RAPGEF2: variants seen among roughly 807,000 people sequenced by gnomAD.
RAPGEF2 encodes Rap guanine nucleotide exchange factor 2.
A neutral mutation model predicts 186.7 loss-of-function variants in RAPGEF2; 54 were observed. The observed-to-expected ratio is 0.29, with a 90% CI of 0.23 to 0.36. The LOEUF is 0.36. RAPGEF2 is among the 10% of genes least tolerant of loss of function. The pLI is 1.00. For missense variants in RAPGEF2, 1,532 were observed against 2,045.0 expected (o/e 0.75, Z 4.84); for synonymous variants, 712 against 705.9 (o/e 1.01, Z -0.14).
intron 1 of RAPGEF2, among the ~76,000 whole-genome samples, chr4:159,116,290 C>T (rs1278628945): frequency 2.0e-5 from 3 of 152,150 alleles, no homozygotes; most frequent in African/African-American, 7.2e-5. Context: ...ACAGACAATT[C>T]TCAAAAGAAG....
chr4:159,337,497 T>A (rs535918332), intron 17 of RAPGEF2, among the ~76,000 whole-genome samples: 34 of 152,322 alleles, frequency 2.2e-4, no homozygotes, highest in African/African-American at 3.8e-4. Context: ...GTGCTTTTTT[T>A]AAAATCCATT....
At chr4:159,195,892 T>G (rs1358524724) in intron 3 of RAPGEF2, among the ~76,000 whole-genome samples, 4 of 147,680 alleles carry the variant, frequency 2.7e-5, no homozygotes, top group African/African-American at 7.5e-5. Flanking sequence ...TTTTTTTTTT[T>G]TTTTTTTTTT....
At chr4:159,268,676 C>T (rs1390134375) in intron 7 of RAPGEF2, among the ~76,000 whole-genome samples, 1 of 152,024 alleles carries the variant, frequency 6.6e-6, no homozygotes, top group Non-Finnish European at 1.5e-5. Flanking sequence ...CAGTGGGACT[C>T]ATCTGATTTC....
At chr4:159,277,769 G>C (rs1759111273) in intron 7 of RAPGEF2, among the ~76,000 whole-genome samples, 1 of 152,040 alleles carries the variant, frequency 6.6e-6, no homozygotes, top group African/African-American at 2.4e-5. Context: ...TTTTTTATGG[G>C]GTTGTTTGAT....
At chr4:159,321,209 T>G (rs1765193576) in intron 9 of RAPGEF2, among the ~76,000 whole-genome samples, 1 of 151,514 alleles carries the variant, frequency 6.6e-6, no homozygotes, top group Admixed American at 6.6e-5. Flanking sequence ...TGCCACTTTT[T>G]TTTTTTTTTT....
intron 8 of RAPGEF2, among the ~76,000 whole-genome samples, chr4:159,310,284 G>A (rs571484662): frequency 1.6e-4 from 25 of 152,150 alleles, no homozygotes; most frequent in African/African-American, 5.1e-4. Flanking sequence ...TATACTCCTC[G>A]TAGGATTGTA....
intron 3 of RAPGEF2, among the ~76,000 whole-genome samples, chr4:159,195,310 A>G (rs1374468663): frequency 1.3e-5 from 2 of 152,208 alleles, no homozygotes; most frequent in Non-Finnish European, 2.9e-5. Context: ...GGATAGAGAC[A>G]TTTGAATTCT....
intron 4 of RAPGEF2, among the ~76,000 whole-genome samples, chr4:159,213,759 C>T (rs1223868466): frequency 1.3e-4 from 20 of 151,902 alleles, no homozygotes; most frequent in Non-Finnish European, 2.9e-5. Flanking sequence ...GAGTATTGTT[C>T]CTTGTTAAGA....
chr4:159,143,718 G>A (rs1742603764), intron 1 of RAPGEF2, among the ~76,000 whole-genome samples: 1 of 152,164 alleles, frequency 6.6e-6, no homozygotes, highest in Non-Finnish European at 1.5e-5. Context: ...GAGCTGGATG[G>A]AATAGGTGTT....
At position 159,284,281 on chromosome 4, in the gene RAPGEF2, G is replaced by A. The variant is rs528248575; in HGVS notation, c.544-20061G>A. 9.0e-4 allele frequency among the ~76,000 whole-genome samples: 137 copies of A among 152,130 alleles called. 2 individuals carry two copies. In the South Asian group the frequency reaches 0.028, roughly 31 times the overall value. On this transcript the variant is annotated intron_variant, in intron 7 of 29. Transcript: ENST00000691494. ...TACTAACTCTATCAACTCTACTCTC[G>A]TGTAAGCCAAGTATTTTCTTGCCTC...
intron 1 of RAPGEF2, among the ~76,000 whole-genome samples, chr4:159,177,660 G>A (rs9990480): frequency 0.48 from 73,190 of 151,986 alleles, 19,308 homozygotes; most frequent in African/African-American, 0.71. Flanking sequence ...AAACACTGCA[G>A]CTTAACCATA....
At chr4:159,235,147 G>A (rs1294868800) in intron 4 of RAPGEF2, among the ~76,000 whole-genome samples, 1 of 152,134 alleles carries the variant, frequency 6.6e-6, no homozygotes, top group Non-Finnish European at 1.5e-5. Flanking sequence ...TTTCAGTTCT[G>A]TGTTTTTCCC....
chr4:159,133,552 C>T (rs999770506), intron 1 of RAPGEF2, among the ~76,000 whole-genome samples: 47 of 151,614 alleles, frequency 3.1e-4, no homozygotes, highest in African/African-American at 1.1e-3. Flanking sequence ...GCTGGGATTA[C>T]GGGCGCCTGC....
At chr4:159,174,199 C>A (rs1746209704) in intron 1 of RAPGEF2, among the ~76,000 whole-genome samples, 1 of 152,190 alleles carries the variant, frequency 6.6e-6, no homozygotes, top group African/African-American at 2.4e-5. Flanking sequence ...AGGGACGTGA[C>A]AATTAACATG....
chr4:159,348,247 GA>G (rs1730671272), intron 25 of RAPGEF2, among the ~76,000 whole-genome samples: 1 of 20,446 alleles, frequency 4.9e-5, no homozygotes, highest in Non-Finnish European at 2.2e-4. Flanking sequence ...TAGATAGATG[GA>G]TGGATGGATG....
rs74807400 is a variant in RAPGEF2 at position 159,303,354 on chromosome 4, A to C, written c.544-988A>C. ...TTTAACAATTAGTCCTTATATTTAT[A>C]ACTATTTGCCAGCTAAATAGGATCA... On this transcript the variant is annotated intron_variant, in intron 7 of 29. Transcript: ENST00000691494. Among the ~76,000 whole-genome samples, 33 of 152,306 alleles carry C rather than the reference A, an allele frequency of 2.2e-4. No individual in the cohort carries two copies. In the East Asian group the frequency reaches 6.4e-3, roughly 29 times the overall value.
intron 1 of RAPGEF2, among the ~76,000 whole-genome samples, chr4:159,119,459 G>A (rs767634314): frequency 6.6e-6 from 1 of 152,212 alleles, no homozygotes; most frequent in Non-Finnish European, 1.5e-5. Flanking sequence ...AGCCTCGATA[G>A]TACAGAAAGA....
At chr4:159,198,310 CTTTCTTTCTTTCTTTCTTTCTTTCT>C (rs1561075024) in intron 3 of RAPGEF2, among the ~76,000 whole-genome samples, 5,081 of 65,106 alleles carry the variant, frequency 0.078, 572 homozygotes, top group African/African-American at 0.28. Context: ...TTCTTTCTTT[CTTTCTTTCTTTCTTTCTTTCTTTCT>C]TTTTCTTTCT....
chr4:159,233,635 G>C (rs994351715), intron 4 of RAPGEF2, among the ~76,000 whole-genome samples: 1 of 152,022 alleles, frequency 6.6e-6, no homozygotes, highest in Non-Finnish European at 1.5e-5. Context: ...GTGTGAGAAG[G>C]GGGTGAGGGA....
Sources: gnomAD v4.1 joint callset for allele counts (sites outside exome capture counted in the v4.1 genomes callset) on GRCh38, gnomAD v4.1.1 for gene constraint, MANE v1.5 for transcripts, NCBI Gene and HGNC (gene_info 2026-07-23, HGNC 2026-07-21) for gene names.